TADA2A: variants seen among roughly 807,000 people sequenced by gnomAD.
TADA2A encodes the protein transcriptional adapter 2-alpha.
A neutral mutation model predicts 67.4 loss-of-function variants in TADA2A; 38 were observed. The ratio of observed to expected loss-of-function variants is 0.56; its 90% CI spans 0.44 to 0.74. TADA2A has a LOEUF of 0.74. Among genes scored for constraint, TADA2A ranks in the 30% least tolerant of loss-of-function variants. The pLI, the probability that TADA2A is intolerant of heterozygous loss-of-function variation, is 0.00. For missense variants in TADA2A, 454 were observed against 547.0 expected, an observed-to-expected ratio of 0.83 and a Z score of 1.70; for synonymous variants, 192 against 181.6, an observed-to-expected ratio of 1.06 and a Z score of -0.46.
chr17:37,411,726 G>A (rs940220563), intron 2 of TADA2A, among the ~76,000 whole-genome samples: 2 of 151,128 alleles, frequency 1.3e-5, no homozygotes, highest in Middle Eastern at 6.8e-3. Context: ...CACCACTCCC[G>A]GCCTTCAGGT....
At chr17:37,449,706 ACCT>A (rs949114820) in intron 8 of TADA2A, among the ~76,000 whole-genome samples, 2 of 151,098 alleles carry the variant, frequency 1.3e-5, no homozygotes, top group Non-Finnish European at 2.9e-5. Flanking sequence ...TGCAGCCTCA[ACCT>A]CCTGGGCTCA....
chr17:37,437,532 G>A (rs1032580444), intron 4 of TADA2A, among the ~76,000 whole-genome samples: 3 of 151,998 alleles, frequency 2.0e-5, no homozygotes, highest in South Asian at 2.1e-4. Context: ...GACTACAGGC[G>A]TGTGCCACCA....
chr17:37,450,290 A>T (rs2053198001), intron 8 of TADA2A, among the ~76,000 whole-genome samples: 1 of 151,902 alleles, frequency 6.6e-6, no homozygotes, highest in Non-Finnish European at 1.5e-5. Context: ...GCTTGGGGGG[A>T]AATGACTTAA....
chr17:37,429,623 A>G (rs1162202812), intron 4 of TADA2A, among the ~76,000 whole-genome samples: 2 of 152,142 alleles, frequency 1.3e-5, no homozygotes, highest in Non-Finnish European at 1.5e-5. Context: ...GCACTGCAGT[A>G]TATTTACTTC....
chr17:37,419,032 C>A (rs1400110942), intron 2 of TADA2A, among the ~76,000 whole-genome samples: 1 of 146,026 alleles, frequency 6.8e-6, no homozygotes, highest in Non-Finnish European at 1.5e-5. Flanking sequence ...AGCCCAGCCT[C>A]TACTTTTGTT....
chr17:37,440,297 T>A (rs944356469), intron 5 of TADA2A, among the ~76,000 whole-genome samples: 2 of 152,126 alleles, frequency 1.3e-5, no homozygotes, highest in South Asian at 4.2e-4. Flanking sequence ...ATTTCTGTGT[T>A]TTAGACTAGC....
intron 2 of TADA2A, among the ~76,000 whole-genome samples, chr17:37,418,465 A>G (rs1035996585): frequency 1.3e-5 from 2 of 152,182 alleles, no homozygotes; most frequent in South Asian, 2.1e-4. Context: ...GTTATATAAT[A>G]TAATTAATAC....
intron 8 of TADA2A, among the ~76,000 whole-genome samples, chr17:37,451,274 C>T (rs1435233593): frequency 6.6e-6 from 1 of 150,850 alleles, no homozygotes; most frequent in Non-Finnish European, 1.5e-5. Context: ...CTCAAGCGAT[C>T]CTCCCACCTC....
At chr17:37,412,061 A>G (rs2051892927) in intron 2 of TADA2A, among the ~76,000 whole-genome samples, 1 of 151,762 alleles carries the variant, frequency 6.6e-6, no homozygotes, top group Admixed American at 6.6e-5. Flanking sequence ...AATAAAAAAA[A>G]TTAGCCAGGC....
At chr17:37,415,750 T>C (rs2052022211) in intron 2 of TADA2A, among the ~76,000 whole-genome samples, 1 of 151,720 alleles carries the variant, frequency 6.6e-6, no homozygotes, top group African/African-American at 2.4e-5. Flanking sequence ...GGTACGTGCC[T>C]GTAATCCCAG....
At chr17:37,452,686 C>T (rs565742215) in intron 8 of TADA2A, among the ~76,000 whole-genome samples, 192 of 151,874 alleles carry the variant, frequency 1.3e-3, no homozygotes, top group African/African-American at 4.5e-3. Context: ...AAAACAGTGA[C>T]AGGTATAGGC....
Position 37,458,634 on chromosome 17 carries a change from G to GTTT in TADA2A, c.668+49_668+51dup, listed in dbSNP as rs145733561. On this transcript the variant is annotated intron_variant, in intron 9 of 15. Transcript: ENST00000615182. ...GGCCTCCTTTCAGCTTTGGATTATT[G>GTTT]TTTTGTGTGTGTGTGTGTGTGTGTG... The GTTT allele has an allele frequency of 3.9e-6, 5 of 1,267,274 alleles. No individual in the cohort carries two copies. The Admixed American group carries it at 5.7e-5, about 15-fold the overall frequency. The allele number at this position is 1,267,274 out of a possible 1,614,324, so 78.5% of individuals were successfully genotyped here.
At chr17:37,425,659 A>T (rs2052382832) in intron 3 of TADA2A, among the ~76,000 whole-genome samples, 1 of 151,674 alleles carries the variant, frequency 6.6e-6, no homozygotes, top group Admixed American at 6.6e-5. Context: ...GAGTTTTTTT[A>T]TTTTTTTGAG....
chr17:37,467,090 G>A (rs1309645602), intron 11 of TADA2A, among the ~76,000 whole-genome samples: 2 of 152,124 alleles, frequency 1.3e-5, no homozygotes, highest in Non-Finnish European at 2.9e-5. Flanking sequence ...CCCGGGAGGT[G>A]GAGGTTGCAG....
chr17:37,440,428 T>G, intron 5 of TADA2A, 77 bp from the exon 6 acceptor site: 1 of 1,518,178 alleles, frequency 6.6e-7, no homozygotes, highest in Non-Finnish European at 8.9e-7. Context: ...ACTTAAAATA[T>G]GAAAAGAGCA....
intron 2 of TADA2A, among the ~76,000 whole-genome samples, chr17:37,422,634 T>C (rs1297336933): frequency 6.6e-6 from 1 of 152,030 alleles, no homozygotes; most frequent in Non-Finnish European, 1.5e-5. Context: ...ACTTCCCAAG[T>C]AGCTGGGATT....
intron 5 of TADA2A, among the ~76,000 whole-genome samples, chr17:37,439,763 G>A (rs2052841477): frequency 6.6e-6 from 1 of 152,006 alleles, no homozygotes; most frequent in South Asian, 2.1e-4. Flanking sequence ...TTTATGTTAA[G>A]TGTTTGGTAA....
chr17:37,468,074 T>C (rs2053705961), intron 12 of TADA2A, among the ~76,000 whole-genome samples: 1 of 149,968 alleles, frequency 6.7e-6, no homozygotes, highest in South Asian at 2.1e-4. Flanking sequence ...AGAGGGAGAT[T>C]CTGTTTCAAA....
chr17:37,471,263 G>GC (rs2053781407), intron 14 of TADA2A, 126 bp downstream of exon 14: 3 of 915,596 alleles, frequency 3.3e-6, no homozygotes, highest in Non-Finnish European at 5.2e-6. Flanking sequence ...GTAATCAAGT[G>GC]TTAGCCCAAT....
Sources: gnomAD v4.1 joint callset for allele counts (sites outside exome capture counted in the v4.1 genomes callset) on GRCh38, gnomAD v4.1.1 for gene constraint, MANE v1.5 for transcripts, NCBI Gene and HGNC (gene_info 2026-07-23, HGNC 2026-07-21) for gene names.